ST7L: variants seen among roughly 807,000 people sequenced by gnomAD.
ST7L encodes the protein suppressor of tumorigenicity 7 protein-like.
ST7L carries 57 observed loss-of-function variants against 72.5 expected under a neutral mutation model. The observed-to-expected ratio is 0.79, with a 90% CI of 0.64 to 0.98. The LOEUF is 0.98. Among genes scored for constraint, ST7L ranks in the 50% least tolerant of loss-of-function variants. The pLI is 0.00. For synonymous variants in ST7L, 221 were observed against 240.9 expected, an observed-to-expected ratio of 0.92 and a Z score of 0.77; for missense variants, 576 against 672.2, an observed-to-expected ratio of 0.86 and a Z score of 1.58.
chr1:112,546,369 TTCATTCTGTATTGTCTGC>T (rs1657079462), intron 13 of ST7L, among the ~76,000 whole-genome samples: 2 of 151,382 alleles, frequency 1.3e-5, no homozygotes, highest in Admixed American at 1.3e-4. Flanking sequence ...TGAGATATTA[TTCATTCTGTATTGTCTGC>T]CTGAACTCAT....
At chr1:112,572,629 C>A (rs1043594233) in intron 11 of ST7L, among the ~76,000 whole-genome samples, 3 of 152,130 alleles carry the variant, frequency 2.0e-5, no homozygotes, top group Non-Finnish European at 2.9e-5. Flanking sequence ...GTAATCCCAG[C>A]ACTTTGGGAG....
chr1:112,520,340 A>G (rs192061205), downstream of ST7L: 2 of 1,614,062 alleles, frequency 1.2e-6, no homozygotes, highest in Non-Finnish European at 1.7e-6. Context: ...GACGGTTGTG[A>G]AATCATGTGC....
intron 3 of ST7L, among the ~76,000 whole-genome samples, chr1:112,602,137 T>C (rs1184162142): frequency 2.7e-5 from 4 of 149,958 alleles, no homozygotes; most frequent in Admixed American, 1.3e-4. Flanking sequence ...AAGAAATTGA[T>C]GAAGGACCGT....
chr1:112,555,659 A>G (rs1204145298), intron 12 of ST7L, among the ~76,000 whole-genome samples: 1 of 152,254 alleles, frequency 6.6e-6, no homozygotes, highest in Non-Finnish European at 1.5e-5. Flanking sequence ...GCAGAATACC[A>G]TAACAATTTC....
At chr1:112,543,277 C>T (rs1252098813) in intron 13 of ST7L, among the ~76,000 whole-genome samples, 1 of 152,164 alleles carries the variant, frequency 6.6e-6, no homozygotes, top group African/African-American at 2.4e-5. Flanking sequence ...AAGACGGGAG[C>T]AGTGGCTCAC....
chr1:112,609,952 AT>A (rs1346230865), intron 3 of ST7L, among the ~76,000 whole-genome samples: 2 of 151,896 alleles, frequency 1.3e-5, no homozygotes, highest in Non-Finnish European at 2.9e-5. Context: ...ACTGAAAAAA[AT>A]TTTTTTTCCT....
At chr1:112,605,641 G>A (rs1668122506) in intron 3 of ST7L, among the ~76,000 whole-genome samples, 2 of 151,958 alleles carry the variant, frequency 1.3e-5, no homozygotes, top group South Asian at 2.1e-4. Flanking sequence ...AGTGAGTCGA[G>A]ATCACGCCAC....
At chr1:112,573,786 T>G (rs996133776) in intron 11 of ST7L, among the ~76,000 whole-genome samples, 7 of 151,660 alleles carry the variant, frequency 4.6e-5, no homozygotes, top group African/African-American at 1.7e-4. Flanking sequence ...CCCAGCACTT[T>G]GGGAGGCTGA....
chr1:112,520,486 G>A, downstream of ST7L: 1 of 1,614,078 alleles, frequency 6.2e-7, no homozygotes, highest in Non-Finnish European at 8.5e-7. Flanking sequence ...CCCCAAGAAG[G>A]CAGAGTGGCT....
At chr1:112,610,223 T>C (rs1236533587) in intron 3 of ST7L, among the ~76,000 whole-genome samples, 3 of 152,174 alleles carry the variant, frequency 2.0e-5, no homozygotes, top group African/African-American at 4.8e-5. Context: ...CCCGGATTTC[T>C]TTCCTTCCTA....
At chr1:112,613,665 T>C (rs1669410717) in intron 2 of ST7L, among the ~76,000 whole-genome samples, 1 of 152,224 alleles carries the variant, frequency 6.6e-6, no homozygotes, top group Non-Finnish European at 1.5e-5. Context: ...TTGAATTTCC[T>C]AATTTGTGTA....
intron 11 of ST7L, among the ~76,000 whole-genome samples, chr1:112,575,193 T>G (rs147270753): frequency 1.7e-3 from 265 of 152,264 alleles, no homozygotes; most frequent in Non-Finnish European, 3.0e-3. Context: ...GAGCCAAGAT[T>G]CTGCCACTGT....
chr1:112,525,936 A>T lies in ST7L; in HGVS notation c.*77T>A. On this transcript the variant is annotated 3_prime_UTR_variant, in exon 15 of 15. Transcript: ENST00000358039. The stretch of plus-strand genomic sequence containing the variant: ...AATCCTCACAACAACCCTGTGAGGT[A>T]GGGGTTACTGTCACTTTACAGATGC... 3 of 1,589,990 alleles carry T rather than the reference A, an allele frequency of 1.9e-6. No individual in the cohort carries two copies. The highest frequency in any genetic ancestry group is 2.6e-6 in the Non-Finnish European group (3 of 1,163,858).
In ST7L at chr1:112,566,300, T is replaced by C. The variant is rs1426468457; in HGVS notation, c.1246-10282A>G. The stretch of plus-strand genomic sequence containing the variant: ...TTTATTTCTTTTTCTTCTTCTTCTT[T>C]TTTTTTTTTTTTTTTGAGACAGAGT... On this transcript the variant is annotated intron_variant, in intron 11 of 14. Transcript: ENST00000358039. Among the ~76,000 whole-genome samples the C allele has an allele frequency of 5.0e-5, 7 of 138,932 alleles. 1 individual carries two copies. The highest frequency in any genetic ancestry group is 4.7e-4 in the South Asian group (2 of 4,282). 91.1% of individuals were successfully genotyped at this position (138,932 alleles called of 152,430 possible).
chr1:112,577,996 G>A (rs1012907288), intron 10 of ST7L, among the ~76,000 whole-genome samples: 2 of 152,060 alleles, frequency 1.3e-5, no homozygotes, highest in Admixed American at 1.3e-4. Context: ...ACTATTTGGT[G>A]TGTGTACTTT....
In ST7L at chr1:112,568,861, A is replaced by ATATATATAT. The variant is rs1661536936; in HGVS notation, c.1245+8124_1245+8125insATATATATA. 7.4e-3 allele frequency among the ~76,000 whole-genome samples: 849 copies of ATATATATAT among 114,464 alleles called. 5 individuals carry two copies. The highest frequency in any genetic ancestry group is 0.031 in the Admixed American group (282 of 9,142). 75.1% of individuals were successfully genotyped at this position (114,464 alleles called of 152,430 possible). On this transcript the variant is annotated intron_variant, in intron 11 of 14. Coordinates refer to ENST00000358039, the MANE Select transcript of ST7L (RefSeq NM_017744.5). ...CCTGTTTTTTATAAATATAAATATA[A>ATATATATAT]ATATATATATATATATATATATATA...
chr1:112,606,327 G>A (rs1467404301), intron 3 of ST7L, among the ~76,000 whole-genome samples: 1 of 152,100 alleles, frequency 6.6e-6, no homozygotes, highest in Non-Finnish European at 1.5e-5. Context: ...AAACTAAGTG[G>A]TGCCACTTTG....
Position 112,572,763 on chromosome 1 carries a change from T to C in ST7L, c.1245+4223A>G, listed in dbSNP as rs1465546438. Among the ~76,000 whole-genome samples the C allele has an allele frequency of 3.3e-5, 5 of 152,242 alleles. No individual in the cohort carries two copies. In the East Asian group the frequency reaches 5.8e-4, roughly 18 times the overall value. ...CTAAATTATGTAAAAAATGTTGCTA[T>C]AGTATGCAGTTAAAATTGTGTTGAG... On this transcript the variant is annotated intron_variant, in intron 11 of 14. Coordinates refer to ENST00000358039, the MANE Select transcript of ST7L (RefSeq NM_017744.5).
At chr1:112,535,418 G>T (rs1655034440) in intron 14 of ST7L, among the ~76,000 whole-genome samples, 1 of 150,790 alleles carries the variant, frequency 6.6e-6, no homozygotes, top group South Asian at 2.1e-4. Context: ...AGAAGAAGAA[G>T]AAGATGAAGA....
Sources: gnomAD v4.1 joint callset for allele counts (sites outside exome capture counted in the v4.1 genomes callset) on GRCh38, gnomAD v4.1.1 for gene constraint, MANE v1.5 for transcripts, NCBI Gene and HGNC (gene_info 2026-07-23, HGNC 2026-07-21) for gene names.